Variants in IPCEF1 observed in about 807,000 individuals in gnomAD.
IPCEF1 encodes interaction protein for cytohesin exchange factors 1.
A neutral mutation model predicts 50.9 loss-of-function variants in IPCEF1; 31 were observed. The ratio of observed to expected loss-of-function variants is 0.61; its 90% CI spans 0.46 to 0.82. The LOEUF is 0.82. IPCEF1 is among the 40% of genes least tolerant of loss of function. The pLI, the probability that IPCEF1 is intolerant of heterozygous loss-of-function variation, is 0.00. For synonymous variants in IPCEF1, 181 were observed against 192.0 expected (o/e 0.94, Z 0.47); for missense variants, 458 against 514.0 (o/e 0.89, Z 1.05).
chr6:154,219,257 TAACA>T (rs1778653683), intron 7 of IPCEF1: 2 of 152,178 alleles, frequency 1.3e-5, no homozygotes, highest in South Asian at 4.1e-4. Context: ...ATTCACTAGG[TAACA>T]AACAAAGCAC....
At chr6:154,242,967 G>A (rs1285601875) in intron 5 of IPCEF1, among the ~76,000 whole-genome samples, 1 of 152,170 alleles carries the variant, frequency 6.6e-6, no homozygotes, top group African/African-American at 2.4e-5. Flanking sequence ...GAAGGTACGT[G>A]CCTCTAGAAG....
At chr6:154,279,233 A>G (rs9479807) in intron 2 of IPCEF1, among the ~76,000 whole-genome samples, 27,082 of 152,232 alleles carry the variant, frequency 0.18, 3,095 homozygotes, top group Admixed American at 0.38. Context: ...TAAAATTTCT[A>G]AGAAGATAGC....
intron 6 of IPCEF1, 72 bp downstream of exon 6, chr6:154,223,098 T>C (rs1186647867): frequency 8.5e-7 from 1 of 1,179,656 alleles, no homozygotes; most frequent in East Asian, 2.3e-5. Context: ...TAAATCACCA[T>C]ATCCCTTGGT....
chr6:154,235,360 G>A (rs940414387), intron 5 of IPCEF1, among the ~76,000 whole-genome samples: 24 of 152,072 alleles, frequency 1.6e-4, no homozygotes, highest in African/African-American at 3.9e-4. Flanking sequence ...GCGAAAACCC[G>A]TCTCTACTAA....
intron 2 of IPCEF1, among the ~76,000 whole-genome samples, chr6:154,285,334 A>G (rs1782334052): frequency 6.6e-6 from 1 of 152,202 alleles, no homozygotes; most frequent in Non-Finnish European, 1.5e-5. Flanking sequence ...CTCACTGTCT[A>G]CATATAATAA....
At chr6:154,287,851 C>A (rs1333597013) in intron 2 of IPCEF1, among the ~76,000 whole-genome samples, 1 of 152,098 alleles carries the variant, frequency 6.6e-6, no homozygotes, top group Non-Finnish European at 1.5e-5. Context: ...ACCAGTTCTG[C>A]ATATCATCAA....
At chr6:154,246,858 A>G in intron 4 of IPCEF1, 98 bp from the exon 5 acceptor site, 1 of 1,341,852 alleles carries the variant, frequency 7.5e-7, no homozygotes, top group South Asian at 1.9e-5. Flanking sequence ...GCAACTTTTA[A>G]TTGTTAACCC....
In IPCEF1 at chr6:154,299,278, C is replaced by G. The variant is rs1296145049; in HGVS notation, c.-61-9522G>C. On this transcript the variant is annotated intron_variant, in intron 1 of 11. Transcript: ENST00000367220. ...AGACCAGGGGACAATTGCTGAGAGC[C>G]TAGGGGAGGTGGGCGGGTCCACACT... Among the ~76,000 whole-genome samples the G allele has an allele frequency of 3.5e-5, 5 of 140,892 alleles. No individual in the cohort carries two copies. The East Asian group carries it at 7.9e-4, about 22-fold the overall frequency. The allele number at this position is 140,892 out of a possible 152,430, so 92.4% of individuals were successfully genotyped here. A position where few individuals can be genotyped will look rare whatever the true frequency, so the allele number is the denominator to read the frequency against.
intron 11 of IPCEF1, among the ~76,000 whole-genome samples, chr6:154,164,571 A>G (rs959198155): frequency 2.0e-5 from 3 of 152,210 alleles, no homozygotes; most frequent in African/African-American, 7.2e-5. Context: ...CTGGCAGGCA[A>G]GCAAGGTTTG....
chr6:154,246,608 A>G lies in IPCEF1; in HGVS notation c.229T>C (p.Trp77Arg). Residue 77 changes from tryptophan (W) to arginine (R), a missense_variant, in exon 5 of 12, where the codon TGG (tryptophan) becomes CGG (arginine). Coordinates refer to ENST00000367220, the MANE Select transcript of IPCEF1 (RefSeq NM_001130700.2). ...AGACTCACCATTTGATTGCTATACC[A>G]GTACAGTGACGACCCCTTCAGTATC... ...WVILKGSSLY[W>R]YSNQMAEKAD... 1 of 1,613,678 alleles carries G rather than the reference A, an allele frequency of 6.2e-7. No homozygotes were observed. Among genetic ancestry groups the G allele is most frequent in the Non-Finnish European group, 8.5e-7 (1 of 1,179,762 alleles).
chr6:154,289,325 C>G (rs1463949550), intron 2 of IPCEF1, among the ~76,000 whole-genome samples: 2 of 151,548 alleles, frequency 1.3e-5, no homozygotes, highest in Admixed American at 6.6e-5. Context: ...TCAGTAAGTA[C>G]TCCATTTCTA....
chr6:154,199,720 A>G lies in IPCEF1; in HGVS notation c.858T>C (p.His286=), dbSNP rs1383087979. ...GCTTATCTGGGACAGTAAGATGGTCATGATTGCTACTCAATGAAGAAGTAT... is the reference window on the plus strand; with the variant it reads ...GCTTATCTGGGACAGTAAGATGGTCGTGATTGCTACTCAATGAAGAAGTAT... ...SDDTSSLSSN[H]DHLTVPDKPA... The change falls in exon 10 of 12, where the codon CAT becomes CAC. Residue 286 remains histidine (H), a synonymous_variant. Coordinates refer to ENST00000367220, the MANE Select transcript of IPCEF1 (RefSeq NM_001130700.2). The G allele has an allele frequency of 6.8e-6, 11 of 1,614,002 alleles. No individual in the cohort carries two copies. In the Admixed American group the frequency reaches 1.7e-4, roughly 24 times the overall value.
chr6:154,344,357 T>C (rs1333733118), intron 1 of IPCEF1, among the ~76,000 whole-genome samples: 1 of 152,210 alleles, frequency 6.6e-6, no homozygotes, highest in East Asian at 1.9e-4. Context: ...GGTTTTGTGC[T>C]TTTCTTCCAT....
intron 2 of IPCEF1, among the ~76,000 whole-genome samples, chr6:154,287,245 A>C (rs931891536): frequency 7.3e-5 from 11 of 150,632 alleles, no homozygotes; most frequent in Non-Finnish European, 1.6e-4. Flanking sequence ...CATGACTGTA[A>C]GTTTCCTGAC....
intron 9 of IPCEF1, among the ~76,000 whole-genome samples, chr6:154,211,329 A>C (rs1336222213): frequency 6.6e-6 from 1 of 152,046 alleles, no homozygotes; most frequent in African/African-American, 2.4e-5. Flanking sequence ...GAATGGTGTG[A>C]ACCTGGGAGG....
At chr6:154,277,170 C>T (rs978662798) in intron 2 of IPCEF1, among the ~76,000 whole-genome samples, 3 of 152,228 alleles carry the variant, frequency 2.0e-5, no homozygotes, top group Non-Finnish European at 1.5e-5. Flanking sequence ...GAATTGAAGG[C>T]TTAAACCATA....
intron 1 of IPCEF1, among the ~76,000 whole-genome samples, chr6:154,298,466 G>A (rs936672765): frequency 6.6e-6 from 1 of 152,170 alleles, no homozygotes; most frequent in Non-Finnish European, 1.5e-5. Flanking sequence ...AACATTTCAT[G>A]AGTCATAGTC....
chr6:154,267,496 T>C (rs1277526079), intron 2 of IPCEF1, among the ~76,000 whole-genome samples: 2 of 152,236 alleles, frequency 1.3e-5, no homozygotes. Flanking sequence ...ATCTTTGGGT[T>C]GTCGCTCTTC....
At chr6:154,331,092 C>A (rs1363067753) in intron 1 of IPCEF1, among the ~76,000 whole-genome samples, 1 of 151,926 alleles carries the variant, frequency 6.6e-6, no homozygotes. Context: ...CGTGGCAAAA[C>A]CCCGTCTCTA....
Sources: gnomAD v4.1 joint callset for allele counts (sites outside exome capture counted in the v4.1 genomes callset) on GRCh38, gnomAD v4.1.1 for gene constraint, MANE v1.5 for transcripts, NCBI Gene and HGNC (gene_info 2026-07-23, HGNC 2026-07-21) for gene names.